The following SLC10A6 variants were observed in gnomAD, a reference collection of about 807,000 sequenced individuals.
SLC10A6 encodes the protein solute carrier family 10 member 6, also known as sodium-dependent organic anion transporter.
A neutral mutation model predicts 30.0 loss-of-function variants in SLC10A6; 27 were observed. The observed-to-expected ratio is 0.90, with a 90% CI of 0.66 to 1.24. The LOEUF is 1.24. SLC10A6 is among the 50% of genes most tolerant of loss of function. The pLI is 0.00. For synonymous variants in SLC10A6, 166 were observed against 173.8 expected (o/e 0.95, Z 0.36); for missense variants, 439 against 457.0 (o/e 0.96, Z 0.36).
At chr4:86,830,620 T>G (rs889693442) in intron 3 of SLC10A6, among the ~76,000 whole-genome samples, 1 of 152,134 alleles carries the variant, frequency 6.6e-6, no homozygotes, top group Non-Finnish European at 1.5e-5. Flanking sequence ...ACTGAAGGAA[T>G]GGTGGGAATG....
chr4:86,833,542 G>C, intron 1 of SLC10A6, 118 bp from the exon 2 acceptor site: 1 of 672,164 alleles, frequency 1.5e-6, no homozygotes, highest in Non-Finnish European at 2.6e-6. Context: ...TAAGCTCCTT[G>C]GAGCTCATTT....
intron 1 of SLC10A6, among the ~76,000 whole-genome samples, chr4:86,838,190 G>A (rs771454048): frequency 9.2e-5 from 14 of 152,190 alleles, no homozygotes; most frequent in Non-Finnish European, 2.1e-4. Context: ...AGGGTGTCTG[G>A]CAATATCTAG....
intron 1 of SLC10A6, among the ~76,000 whole-genome samples, chr4:86,842,866 CTTTCTTTCTTTTTTTT>C (rs1746327279): frequency 2.2e-5 from 1 of 45,456 alleles, no homozygotes; most frequent in African/African-American, 1.4e-4. Context: ...TTCTTTCTTT[CTTTCTTTCTTTTTTTT>C]TTTGAGATGG....
At position 86,833,373 on chromosome 4, in the gene SLC10A6, G is replaced by C; in HGVS notation, c.429C>G (p.Leu143=). The change falls in exon 2 of 6, where the codon CTC becomes CTG. Residue 143 remains leucine, a synonymous_variant. Coordinates refer to ENST00000273905, the MANE Select transcript of SLC10A6 (RefSeq NM_197965.3). ...AGGACCAGGTGTAGAGATAAATGCA[G>C]AGTGGCATCATTCCCAGGGCGGCCA... The part of the protein sequence containing the change: ...STVAALGMMP[L]CIYLYTWSWS... The C allele has an allele frequency of 6.2e-7, 1 of 1,614,044 alleles. No individual in the cohort carries two copies. The highest frequency in any genetic ancestry group is 8.5e-7 in the Non-Finnish European group (1 of 1,179,964).
At chr4:86,832,170 T>A (rs909672763) in intron 2 of SLC10A6, among the ~76,000 whole-genome samples, 7 of 152,116 alleles carry the variant, frequency 4.6e-5, no homozygotes, top group Non-Finnish European at 1.0e-4. Context: ...TAAATTAAGG[T>A]TTCCCTCAAA....
chr4:86,836,575 T>A (rs1316517622), intron 1 of SLC10A6, among the ~76,000 whole-genome samples: 2 of 152,198 alleles, frequency 1.3e-5, no homozygotes, highest in East Asian at 1.9e-4. Flanking sequence ...AGCACCTTCA[T>A]CTTAGACTTC....
rs1200077032 is a variant in SLC10A6, at chr4:86,849,250, G to A, written c.-135C>T. The stretch of plus-strand genomic sequence containing the variant: ...ATTCCAATAACTGTTGGCCAGCAAG[G>A]TGATTCATCCTAATCTGATCAATTT... On this transcript the variant is annotated 5_prime_UTR_variant, in exon 1 of 6. Coordinates refer to ENST00000273905, the MANE Select transcript of SLC10A6 (RefSeq NM_197965.3). 2 of 1,063,800 alleles carry A rather than the reference G, an allele frequency of 1.9e-6. No individual in the cohort carries two copies. Among genetic ancestry groups the A allele is most frequent in the Non-Finnish European group, 2.7e-6 (2 of 736,572 alleles). The allele number at this position is 1,063,800 out of a possible 1,614,324, so 65.9% of individuals were successfully genotyped here. A position where few individuals can be genotyped will look rare whatever the true frequency, so the allele number is the denominator to read the frequency against.
At chr4:86,833,526 A>G (rs1746124905) in intron 1 of SLC10A6, 102 bp from the exon 2 acceptor site, 1 of 804,240 alleles carries the variant, frequency 1.2e-6, no homozygotes, top group East Asian at 2.5e-5. Context: ...TAGAGATTAC[A>G]TGGACTAAGC....
At chr4:86,841,894 A>C (rs774584658) in intron 1 of SLC10A6, among the ~76,000 whole-genome samples, 2 of 152,186 alleles carry the variant, frequency 1.3e-5, no homozygotes, top group Non-Finnish European at 1.5e-5. Context: ...AATAGAGCGT[A>C]AGGCCCGATT....
Position 86,829,049 on chromosome 4 carries a change from G to T in SLC10A6, c.586-881C>A, listed in dbSNP as rs561374668. Among the ~76,000 whole-genome samples, 12 of 152,194 alleles carry T rather than the reference G, an allele frequency of 7.9e-5. No individual in the cohort carries two copies. In the East Asian group the frequency reaches 1.9e-3, roughly 25 times the overall value. Reference sequence around the variant, plus strand: ...CCCAATATACCATAAATGTGTTCTGGGGGTCATTTTTACTGTTCAAATACA... The same window carrying T: ...CCCAATATACCATAAATGTGTTCTGTGGGTCATTTTTACTGTTCAAATACA... On this transcript the variant is annotated intron_variant, in intron 3 of 5. Transcript: ENST00000273905.
At chr4:86,830,940 A>T (rs1746069309) in intron 3 of SLC10A6, among the ~76,000 whole-genome samples, 1 of 152,136 alleles carries the variant, frequency 6.6e-6, no homozygotes, top group Admixed American at 6.5e-5. Context: ...GACTCACACC[A>T]TTGTTAAGAA....
chr4:86,835,344 A>G (rs1042816637), intron 1 of SLC10A6, among the ~76,000 whole-genome samples: 8 of 152,124 alleles, frequency 5.3e-5, no homozygotes, highest in African/African-American at 1.9e-4. Context: ...TTCTGTTCCA[A>G]TCCTGATATC....
chr4:86,844,181 A>G (rs1746355169), intron 1 of SLC10A6, among the ~76,000 whole-genome samples: 1 of 152,208 alleles, frequency 6.6e-6, no homozygotes, highest in Admixed American at 6.5e-5. Flanking sequence ...CCGTCTCAAA[A>G]AAAATCAAAA....
chr4:86,825,419 C>T lies in SLC10A6; in HGVS notation c.919+1G>A. 1 of 1,585,212 alleles carries T rather than the reference C, an allele frequency of 6.3e-7. No individual in the cohort carries two copies. Among genetic ancestry groups the T allele is most frequent in the Non-Finnish European group, 8.6e-7 (1 of 1,157,384 alleles). On this transcript the variant is annotated splice_donor_variant, in intron 5 of 5. Transcript: ENST00000273905. LOFTEE classifies it high-confidence loss of function. ...TTCCTACCCAATGGGTGTTCACCCA[C>T]CTGCAACAATAAGAAATCCATCTAT...
intron 1 of SLC10A6, among the ~76,000 whole-genome samples, chr4:86,842,874 C>CTTT (rs1170640534): frequency 2.2e-3 from 92 of 42,772 alleles, no homozygotes; most frequent in Non-Finnish European, 2.4e-3. Flanking sequence ...TTCTTTCTTT[C>CTTT]TTTTTTTTTT....
In SLC10A6 at chr4:86,837,339, AAGGAAGGC is replaced by A. The variant is rs1270298267; in HGVS notation, c.378-3923_378-3916del. The stretch of plus-strand genomic sequence containing the variant: ...GAAGGAAGGAAGGAAGGAAGGAAGG[AAGGAAGGC>A]AGGCAGGCAGGCTGGGATTTGAGAA... On this transcript the variant is annotated intron_variant, in intron 1 of 5. Coordinates refer to ENST00000273905, the MANE Select transcript of SLC10A6 (RefSeq NM_197965.3). Among the ~76,000 whole-genome samples, 7 of 103,070 alleles carry A rather than the reference AAGGAAGGC, an allele frequency of 6.8e-5. No homozygotes were observed. The East Asian group carries it at 1.1e-3, about 16-fold the overall frequency. 67.6% of individuals were successfully genotyped at this position (103,070 alleles called of 152,430 possible). A position where few individuals can be genotyped will look rare whatever the true frequency, so the allele number is the denominator to read the frequency against.
Position 86,823,717 on chromosome 4 carries a change from G to A in SLC10A6, c.1105C>T (p.Pro369Ser). The change falls in exon 6 of 6, where the codon CCA becomes TCA. Residue 369 changes from proline to serine, a missense_variant. Pro to Ser is a moderately conservative substitution (Grantham distance 74). Transcript: ENST00000273905. Reference protein sequence around the residue: ...GPMDCHRALEPVGHITSCE With the variant: ...GPMDCHRALESVGHITSCE ...TCACATGAAGTGATGTGGCCAACTG[G>A]CTCGAGAGCCCTGTGGCAATCCATT... 1.2e-6 allele frequency: 2 copies of A among 1,612,388 alleles called. No homozygotes were observed. Among genetic ancestry groups the A allele is most frequent in the South Asian group, 1.1e-5 (1 of 90,686 alleles).
intron 1 of SLC10A6, among the ~76,000 whole-genome samples, chr4:86,842,707 A>AAAAAG (rs527444104): frequency 0.038 from 3,302 of 87,648 alleles, 521 homozygotes; most frequent in African/African-American, 0.14. Flanking sequence ...CAAAAAAAAA[A>AAAAAG]AAAAGAAAAG....
chr4:86,843,266 C>A lies in SLC10A6; in HGVS notation c.377+5473G>T, dbSNP rs536652661. ...ATGTTTACCGAGTGCCTACCACTACCTGGCTGGTACTGTGCAAGCAAAGAT... is the reference window on the plus strand; with the variant it reads ...ATGTTTACCGAGTGCCTACCACTACATGGCTGGTACTGTGCAAGCAAAGAT... On this transcript the variant is annotated intron_variant, in intron 1 of 5. Transcript: ENST00000273905. 2.0e-5 allele frequency among the ~76,000 whole-genome samples: 3 copies of A among 152,202 alleles called. No individual in the cohort carries two copies. In the East Asian group the frequency reaches 5.8e-4, roughly 29 times the overall value.
Sources: gnomAD v4.1 joint callset for allele counts (sites outside exome capture counted in the v4.1 genomes callset) on GRCh38, gnomAD v4.1.1 for gene constraint, MANE v1.5 for transcripts, NCBI Gene and HGNC (gene_info 2026-07-23, HGNC 2026-07-21) for gene names.